Variants in GRID2 observed in about 807,000 individuals in gnomAD.
GRID2 encodes the protein glutamate receptor ionotropic, delta-2.
In GRID2, 33 loss-of-function variants were observed where a neutral mutation model predicts 114.8. The ratio of observed to expected loss-of-function variants is 0.29; its 90% CI spans 0.22 to 0.38. The LOEUF (loss-of-function observed/expected upper bound fraction) is 0.38, where lower values mean the gene tolerates loss of function less well. GRID2 is among the 10% of genes least tolerant of loss of function. The pLI, the probability that GRID2 is intolerant of heterozygous loss-of-function variation, is 1.00. For synonymous variants in GRID2, 505 were observed against 449.9 expected, an observed-to-expected ratio of 1.12 and a Z score of -1.55; for missense variants, 1,184 against 1,257.7, an observed-to-expected ratio of 0.94 and a Z score of 0.89.
chr4:92,600,809 G>A (rs1056617695), intron 2 of GRID2, among the ~76,000 whole-genome samples: 6 of 152,204 alleles, frequency 3.9e-5, no homozygotes, highest in African/African-American at 1.4e-4. Context: ...TAGCAGGAAT[G>A]CTCCTGTAAA....
At chr4:92,603,781 A>G (rs1729331755) in intron 2 of GRID2, among the ~76,000 whole-genome samples, 1 of 152,136 alleles carries the variant, frequency 6.6e-6, no homozygotes, top group African/African-American at 2.4e-5. Flanking sequence ...TTCACAATCT[A>G]TCCACCTGAC....
intron 8 of GRID2, among the ~76,000 whole-genome samples, chr4:93,304,518 A>C (rs753696489): frequency 8.6e-5 from 13 of 152,016 alleles, no homozygotes; most frequent in Non-Finnish European, 1.5e-4. Context: ...TTTGATGTTC[A>C]ATAAGAATGA....
At chr4:93,043,303 T>G (rs2149271628) in intron 2 of GRID2, among the ~76,000 whole-genome samples, 1 of 152,270 alleles carries the variant, frequency 6.6e-6, no homozygotes, top group African/African-American at 2.4e-5. Flanking sequence ...TTCTACCAGG[T>G]TTTAGATACC....
intron 8 of GRID2, among the ~76,000 whole-genome samples, chr4:93,391,375 C>T (rs1764839585): frequency 6.6e-6 from 1 of 152,136 alleles, no homozygotes; most frequent in African/African-American, 2.4e-5. Flanking sequence ...GGCTTTTAAG[C>T]TGCTTTGCCT....
In GRID2 at chr4:93,110,756, G is replaced by T; in HGVS notation, c.538G>T (p.Gly180Ter). 1 of 1,606,504 alleles carries T rather than the reference G, an allele frequency of 6.2e-7. No individual in the cohort carries two copies. The highest frequency in any genetic ancestry group is 8.5e-7 in the Non-Finnish European group (1 of 1,173,076). ...IFYDSEYDIR[G>*]IQEFLDKVSQ... ...GCTTTTGATGTTTCCAGATATCCGT[G>T]GAATACAGGAGTTCTTGGACAAAGT... The change falls in exon 4 of 16, where the codon GGA becomes TGA. Residue 180 changes from glycine (G) to a stop codon, truncating the protein, a stop_gained. Coordinates refer to ENST00000282020, the MANE Select transcript of GRID2 (RefSeq NM_001510.4). LOFTEE classifies it high-confidence loss of function.
At chr4:93,709,792 T>C (rs1380289265) in intron 14 of GRID2, among the ~76,000 whole-genome samples, 1 of 152,198 alleles carries the variant, frequency 6.6e-6, no homozygotes. Context: ...TCTGACTGTA[T>C]GTTTAAATAG....
At chr4:92,419,248 T>A (rs539809213) in intron 1 of GRID2, among the ~76,000 whole-genome samples, 70 of 152,260 alleles carry the variant, frequency 4.6e-4, no homozygotes, top group Non-Finnish European at 4.4e-4. Flanking sequence ...GACTGTCTCT[T>A]AATTGGCTTT....
intron 2 of GRID2, among the ~76,000 whole-genome samples, chr4:92,828,786 T>G (rs866511068): frequency 5.9e-5 from 9 of 152,252 alleles, no homozygotes; most frequent in Middle Eastern, 3.4e-3. Flanking sequence ...TAGTACATGT[T>G]GAAACAGGTA....
At chr4:93,154,788 C>A (rs1737030271) in intron 4 of GRID2, among the ~76,000 whole-genome samples, 1 of 151,736 alleles carries the variant, frequency 6.6e-6, no homozygotes, top group African/African-American at 2.4e-5. Flanking sequence ...ACCACCACCA[C>A]CACCACCAAC....
chr4:93,699,066 A>T (rs1189289811), intron 14 of GRID2, among the ~76,000 whole-genome samples: 2 of 152,006 alleles, frequency 1.3e-5, no homozygotes, highest in Non-Finnish European at 2.9e-5. Context: ...ATTAGCTTCA[A>T]CTCTTACACC....
intron 2 of GRID2, among the ~76,000 whole-genome samples, chr4:92,995,404 T>C (rs753640179): frequency 5.3e-5 from 8 of 152,208 alleles, no homozygotes; most frequent in Non-Finnish European, 8.8e-5. Flanking sequence ...CTGTGTTAGA[T>C]GCTTTATATA....
chr4:92,752,582 T>C (rs1360223826), intron 2 of GRID2, among the ~76,000 whole-genome samples: 1 of 152,302 alleles, frequency 6.6e-6, no homozygotes, highest in East Asian at 1.9e-4. Flanking sequence ...GAAAAAGTAA[T>C]ACATTTAATA....
At chr4:92,779,231 T>A (rs78936966) in intron 2 of GRID2, among the ~76,000 whole-genome samples, 5,204 of 151,744 alleles carry the variant, frequency 0.034, 147 homozygotes, top group East Asian at 0.12. Flanking sequence ...TATTTTAATC[T>A]GTGTCCTTAA....
At chr4:92,312,765 A>C (rs1435111730) in intron 1 of GRID2, among the ~76,000 whole-genome samples, 1 of 152,114 alleles carries the variant, frequency 6.6e-6, no homozygotes, top group African/African-American at 2.4e-5. Flanking sequence ...AAGAATAGTC[A>C]TAATCAAAGA....
intron 8 of GRID2, among the ~76,000 whole-genome samples, chr4:93,280,297 C>T (rs1271349745): frequency 6.6e-6 from 1 of 151,976 alleles, no homozygotes; most frequent in Admixed American, 6.6e-5. Flanking sequence ...GTTACCACTA[C>T]TTAGCCATGC....
chr4:93,085,040 T>TTGGC lies in GRID2; in HGVS notation c.293_296dup (p.Cys99TrpfsTer43). The TTGGC allele has an allele frequency of 6.2e-7, 1 of 1,614,130 alleles. No homozygotes were observed. Among genetic ancestry groups the TTGGC allele is most frequent in the Non-Finnish European group, 8.5e-7 (1 of 1,179,958 alleles). On this transcript the variant is annotated frameshift_variant, in exon 3 of 16. Transcript: ENST00000282020. LOFTEE classifies it high-confidence loss of function. ...GGCATCTTGGCCCTGGTCAGCTCCA[T>TTGGC]TGGCTGCACGTCAGCAGGATCCCTC...
intron 14 of GRID2, among the ~76,000 whole-genome samples, chr4:93,733,590 C>T (rs1413054069): frequency 6.6e-6 from 1 of 152,102 alleles, no homozygotes; most frequent in African/African-American, 2.4e-5. Context: ...GTCTACCTAC[C>T]TACCTGTCTA....
intron 2 of GRID2, among the ~76,000 whole-genome samples, chr4:92,799,076 G>A (rs1394434494): frequency 6.6e-6 from 1 of 151,860 alleles, no homozygotes. Flanking sequence ...TACATTTATT[G>A]TGCACTTTAT....
intron 2 of GRID2, among the ~76,000 whole-genome samples, chr4:93,033,394 C>T (rs892551517): frequency 5.3e-5 from 8 of 152,138 alleles, no homozygotes; most frequent in Non-Finnish European, 2.9e-5. Flanking sequence ...CATAGAGTTT[C>T]GGTTGTCCTC....
Sources: allele counts gnomAD v4.1 joint callset (sites outside exome capture counted in the v4.1 genomes callset), GRCh38; gene constraint gnomAD v4.1.1; transcripts MANE v1.5; gene names NCBI Gene and HGNC (gene_info 2026-07-23, HGNC 2026-07-21).